The following RAD51D variants were observed in gnomAD, a reference collection of about 807,000 sequenced individuals.
RAD51D encodes the protein DNA repair protein RAD51 homolog 4.
In RAD51D, 38 loss-of-function variants were observed where a neutral mutation model predicts 44.1. The ratio of observed to expected loss-of-function variants is 0.86; its 90% confidence interval spans 0.67 to 1.13. The LOEUF (loss-of-function observed/expected upper bound fraction) is 1.13, where lower values mean the gene tolerates loss of function less well. Ranked by LOEUF, RAD51D falls within the 50% of genes most tolerant of loss-of-function variation. The pLI, the probability that RAD51D is intolerant of heterozygous loss-of-function variation, is 0.00. For missense variants in RAD51D, 390 were observed against 414.0 expected (o/e 0.94, Z 0.50); for synonymous variants, 141 against 166.6 (o/e 0.85, Z 1.18).
In RAD51D at chr17:35,101,410, G is replaced by A. The variant is rs1435118389; in HGVS notation, c.739-45C>T. On this transcript the variant is annotated intron_variant, in intron 8 of 9. Coordinates refer to ENST00000345365, the MANE Select transcript of RAD51D (RefSeq NM_002878.4). Reference sequence around the variant, plus strand: ...ACAGATCCATAATGCTAGTATAGAGGACATCGATTACTACCGCTTCATTTT... The same window carrying A: ...ACAGATCCATAATGCTAGTATAGAGAACATCGATTACTACCGCTTCATTTT... The A allele has an allele frequency of 1.4e-5, 22 of 1,586,768 alleles. No homozygotes were observed. The Admixed American group carries it at 3.7e-4, about 26-fold the overall frequency.
Position 35,101,302 on chromosome 17 carries a change from A to T in RAD51D, c.802T>A (p.Trp268Arg), listed in dbSNP as rs755965977. The T allele has an allele frequency of 1.2e-6, 2 of 1,614,192 alleles. No individual in the cohort carries two copies. Among genetic ancestry groups the T allele is most frequent in the Admixed American group, 3.3e-5 (2 of 60,028 alleles). The change falls in exon 9 of 10, where the codon TGG becomes AGG. Residue 268 changes from tryptophan (W) to arginine (R), a missense_variant. Trp to Arg is a moderately radical substitution (Grantham distance 101, BLOSUM62 -3). Coordinates refer to ENST00000345365, the MANE Select transcript of RAD51D (RefSeq NM_002878.4). ...ATCCGAGTGCTGGGCACAAAGCTCC[A>T]GGAGCGTCCGAGGGCAGGTTTGAGC... ...GRLKPALGRS[W>R]SFVPSTRILL...
intron 4 of RAD51D, 120 bp downstream of exon 4, chr17:35,107,246 C>G: frequency 6.8e-7 from 1 of 1,464,780 alleles, no homozygotes; most frequent in Non-Finnish European, 9.6e-7. Flanking sequence ...TTCCTTATTA[C>G]CCATCTTCTC....
chr17:35,118,409 C>T (rs2091773978), intron 3 of RAD51D, 92 bp downstream of exon 3: 2 of 1,084,308 alleles, frequency 1.8e-6, no homozygotes, highest in Non-Finnish European at 2.8e-6. Flanking sequence ...AAAAAAAAAC[C>T]CCTCCCGTCT....
In RAD51D at chr17:35,106,432, TG is replaced by T; in HGVS notation, c.529del (p.Gln177ArgfsTer17). On this transcript the variant is annotated frameshift_variant, in exon 6 of 10. Transcript: ENST00000345365. LOFTEE classifies it high-confidence loss of function. ...IQVVHAFDIF[Q>X]MLDVLQELRG... ...GAGCTCCTGCAGCACATCCAGCATC[TG>T]GAAGATGTCAAATGCATGCACCACC... The T allele has an allele frequency of 6.2e-7, 1 of 1,613,418 alleles. No individual in the cohort carries two copies. The highest frequency in any genetic ancestry group is 2.2e-5 in the East Asian group (1 of 44,892).
chr17:35,103,491 C>G lies in RAD51D; in HGVS notation c.630G>C (p.Ala210=), dbSNP rs762585552. Residue 210 remains alanine (A), a synonymous_variant, in exon 7 of 10, where the codon GCG becomes GCC. Transcript: ENST00000345365. This position sits in a 1 kb window ranked among gnomAD's most constrained non-coding sequence, Gnocchi z 4.1. ...GACCTCCCAGAAGTGGGGAAACCAC[C>G]GCAGTGACCGAGTCCACAACCACCA... ...VKVVVVDSVT[A]VVSPLLGGQQ... is the part of the protein sequence containing the mutation. 1.2e-6 allele frequency: 2 copies of G among 1,614,186 alleles called. No individual in the cohort carries two copies. The highest frequency in any genetic ancestry group is 1.3e-5 in the African/African-American group (1 of 75,044).
Position 35,119,342 on chromosome 17 carries a change from T to C in RAD51D, c.83-170A>G, listed in dbSNP as rs1356602175. ...AGCCGGCGCGGTGCCCTGCACACAGTAGGAATCTCTACCCTGTTTTAGAGC... is the reference window on the plus strand; with the variant it reads ...AGCCGGCGCGGTGCCCTGCACACAGCAGGAATCTCTACCCTGTTTTAGAGC... On this transcript the variant is annotated intron_variant, in intron 1 of 9. Transcript: ENST00000345365. 6.8e-6 allele frequency: 6 copies of C among 885,604 alleles called. No individual in the cohort carries two copies. In the East Asian group the frequency reaches 1.3e-4, roughly 19 times the overall value. 54.9% of individuals were successfully genotyped at this position (885,604 alleles called of 1,614,324 possible).
intron 3 of RAD51D, among the ~76,000 whole-genome samples, chr17:35,109,980 T>TTTTTTG (rs1597866245): frequency 6.6e-6 from 1 of 150,708 alleles, no homozygotes. Context: ...TTTTTTTTTT[T>TTTTTTG]GAGATAGGGT....
At chr17:35,119,024 A>G in intron 2 of RAD51D, 87 bp downstream of exon 2, 1 of 1,302,206 alleles carries the variant, frequency 7.7e-7, no homozygotes, top group South Asian at 1.2e-5. Context: ...TGCTGGGATT[A>G]CAGGCATGAG....
At chr17:35,107,630 G>A (rs1185280235) in intron 3 of RAD51D, among the ~76,000 whole-genome samples, 183 bp from the exon 4 acceptor site, 1 of 151,638 alleles carries the variant, frequency 6.6e-6, no homozygotes, top group African/African-American at 2.4e-5. Context: ...TGCCTTCTCT[G>A]GTCTCTCTTC....
In RAD51D at chr17:35,109,792, C is replaced by T. The variant is rs748651488; in HGVS notation, c.264-2345G>A. ...AAGCAATTCTCCTGCCTCAGCCTCCCGAGTAGCTAGGATTACAGGCATGCA... is the reference window on the plus strand; with the variant it reads ...AAGCAATTCTCCTGCCTCAGCCTCCTGAGTAGCTAGGATTACAGGCATGCA... On this transcript the variant is annotated intron_variant, in intron 3 of 9. Transcript: ENST00000345365. 1.3e-4 allele frequency among the ~76,000 whole-genome samples: 20 copies of T among 152,038 alleles called. 1 individual carries two copies. Among genetic ancestry groups the T allele is most frequent in the Middle Eastern group, 6.8e-3 (2 of 294 alleles).
intron 3 of RAD51D, among the ~76,000 whole-genome samples, chr17:35,112,102 G>A (rs1567731215): frequency 6.6e-6 from 1 of 152,186 alleles, no homozygotes; most frequent in Non-Finnish European, 1.5e-5. Flanking sequence ...TTTTGAGACG[G>A]AGTCTCGCTC....
Position 35,119,080 on chromosome 17 carries a change from C to G in RAD51D, c.144+31G>C, listed in dbSNP as rs370429844. ...GGGATGGACTTTTTAAAAAGACACTCAGGTTTGGAATGTGGAGATCAGGAG... is the reference window on the plus strand; with the variant it reads ...GGGATGGACTTTTTAAAAAGACACTGAGGTTTGGAATGTGGAGATCAGGAG... On this transcript the variant is annotated intron_variant, in intron 2 of 9. Transcript: ENST00000345365. 7.5e-6 allele frequency: 12 copies of G among 1,598,244 alleles called. No individual in the cohort carries two copies. In the Admixed American group the frequency reaches 1.0e-4, roughly 13 times the overall value.
chr17:35,101,278 T>G lies in RAD51D; in HGVS notation c.826A>C (p.Ile276Leu), dbSNP rs1555567119. 1 of 1,614,074 alleles carries G rather than the reference T, an allele frequency of 6.2e-7. No individual in the cohort carries two copies. The highest frequency in any genetic ancestry group is 8.5e-7 in the Non-Finnish European group (1 of 1,180,008). ...RSWSFVPSTR[I>L]LLDTIEGAGA... ...GCTCCCTCGATGGTGTCCAGGAGAA[T>G]CCGAGTGCTGGGCACAAAGCTCCAG... The change falls in exon 9 of 10, where the codon ATT becomes CTT. Residue 276 changes from isoleucine to leucine, a missense_variant. Coordinates refer to ENST00000345365, the MANE Select transcript of RAD51D (RefSeq NM_002878.4).
chr17:35,107,612 C>A (rs2091623798), intron 3 of RAD51D, among the ~76,000 whole-genome samples, 165 bp from the exon 4 acceptor site: 1 of 152,000 alleles, frequency 6.6e-6, no homozygotes, highest in Admixed American at 6.6e-5. Flanking sequence ...GGAGGGAATG[C>A]CCAAATGTGC....
In RAD51D at chr17:35,103,492, G is replaced by A. The variant is rs376855484; in HGVS notation, c.629C>T (p.Ala210Val). ...ACCTCCCAGAAGTGGGGAAACCACC[G>A]CAGTGACCGAGTCCACAACCACCAC... ...VKVVVVDSVT[A>V]VVSPLLGGQQ... Residue 210 changes from alanine to valine, a missense_variant, in exon 7 of 10, where the codon GCG becomes GTG. Transcript: ENST00000345365. This position sits in a 1 kb window ranked among gnomAD's most constrained non-coding sequence, Gnocchi z 4.1. 186 of 1,614,008 alleles carry A rather than the reference G, an allele frequency of 1.2e-4. No individual in the cohort carries two copies. The highest frequency in any genetic ancestry group is 1.5e-4 in the Non-Finnish European group (174 of 1,180,028).
chr17:35,103,109 G>A lies in RAD51D; in HGVS notation c.738+145C>T. 1 of 754,654 alleles carries A rather than the reference G, an allele frequency of 1.3e-6. No homozygotes were observed. The highest frequency in any genetic ancestry group is 2.4e-6 in the Non-Finnish European group (1 of 423,294). The allele number at this position is 754,654 out of a possible 1,614,324, so 46.7% of individuals were successfully genotyped here. On this transcript the variant is annotated intron_variant, in intron 8 of 9. Transcript: ENST00000345365. The surrounding 1 kb of genome is among the most constrained non-coding windows in gnomAD (Gnocchi z 4.1). ...TTCCTGATTCCCTTAGCTATTTATG[G>A]TGCAAAGCTGTAGCTGACCCAGGGA...
intron 3 of RAD51D, among the ~76,000 whole-genome samples, chr17:35,111,489 C>A (rs1007930911): frequency 2.0e-5 from 3 of 151,956 alleles, no homozygotes; most frequent in African/African-American, 7.3e-5. Context: ...TGCCTGAGCC[C>A]AGGGAGGTCA....
At chr17:35,106,590 T>C (rs1046932024) in intron 5 of RAD51D, 109 bp from the exon 6 acceptor site, 1 of 816,604 alleles carries the variant, frequency 1.2e-6, no homozygotes, top group Admixed American at 2.0e-5. Context: ...AGGTCCAGGG[T>C]GGCAAATGAG....
chr17:35,115,206 A>T (rs747655971), intron 3 of RAD51D: 26 of 499,222 alleles, frequency 5.2e-5, no homozygotes, highest in Non-Finnish European at 8.0e-5. Flanking sequence ...TCTGGGACTT[A>T]TCCTCTGCCT....
Sources: allele counts gnomAD v4.1 joint callset (sites outside exome capture counted in the v4.1 genomes callset), GRCh38; gene constraint gnomAD v4.1.1; non-coding constraint Gnocchi (gnomAD v3.1); transcripts MANE v1.5; gene names NCBI Gene and HGNC (gene_info 2026-07-23, HGNC 2026-07-21).